ZNF618: variants seen among roughly 807,000 people sequenced by gnomAD.
ZNF618 encodes neural precursor cell expressed, developmentally down-regulated 10.
A neutral mutation model predicts 103.0 loss-of-function variants in ZNF618; 34 were observed. That is an observed-to-expected ratio of 0.33 (90% CI 0.25 to 0.44). The LOEUF is 0.44. Among genes scored for constraint, ZNF618 ranks in the 20% least tolerant of loss-of-function variants. The probability of loss-of-function intolerance (pLI) is 1.00; values close to 1 mark genes in which losing one functional copy is unlikely to be tolerated. For synonymous variants in ZNF618, 551 were observed against 542.2 expected, an observed-to-expected ratio of 1.02 and a Z score of -0.23; for missense variants, 1,059 against 1,295.4, an observed-to-expected ratio of 0.82 and a Z score of 2.80.
At chr9:114,030,484 C>T (rs1182499318) in intron 11 of ZNF618, among the ~76,000 whole-genome samples, 6 of 152,286 alleles carry the variant, frequency 3.9e-5, no homozygotes, top group East Asian at 1.9e-4. Context: ...CTGCAGAGGG[C>T]GGCCCACAGG....
intron 1 of ZNF618, among the ~76,000 whole-genome samples, chr9:113,877,034 A>G (rs1435189937): frequency 6.6e-6 from 1 of 151,862 alleles, no homozygotes; most frequent in African/African-American, 2.4e-5. Context: ...TTATTTTTTC[A>G]AAAGTTTGCA....
At chr9:113,977,086 G>A (rs1838545598) in intron 2 of ZNF618, among the ~76,000 whole-genome samples, 1 of 152,184 alleles carries the variant, frequency 6.6e-6, no homozygotes, top group African/African-American at 2.4e-5. Context: ...TGGGGTGTTG[G>A]GGCAAGAGCT....
chr9:114,020,000 T>C (rs1842943924), intron 10 of ZNF618, among the ~76,000 whole-genome samples: 1 of 152,238 alleles, frequency 6.6e-6, no homozygotes, highest in Non-Finnish European at 1.5e-5. Flanking sequence ...GTCTGTGATA[T>C]ATTTCAACTT....
chr9:114,021,116 T>C (rs1442895154), intron 10 of ZNF618, among the ~76,000 whole-genome samples: 1 of 152,136 alleles, frequency 6.6e-6, no homozygotes, highest in Non-Finnish European at 1.5e-5. Flanking sequence ...TCCTATACTT[T>C]ATTAAAACAC....
intron 2 of ZNF618, among the ~76,000 whole-genome samples, chr9:113,984,581 A>G (rs1023012514): frequency 2.0e-5 from 3 of 152,180 alleles, no homozygotes; most frequent in African/African-American, 7.2e-5. Flanking sequence ...ACTTGAGAGC[A>G]GGAAGGGACA....
rs546328980 is a variant in ZNF618 at position 113,889,032 on chromosome 9, T to A, written c.33+12619T>A. On this transcript the variant is annotated intron_variant, in intron 1 of 14. Transcript: ENST00000374126. The stretch of plus-strand genomic sequence containing the variant: ...GCGCCAGTTCATCTTCCCACCCACA[T>A]ACACTCACCTCACTGTCTGTATTAG... 5.9e-5 allele frequency among the ~76,000 whole-genome samples: 9 copies of A among 152,284 alleles called. No homozygotes were observed. In the South Asian group the frequency reaches 1.9e-3, roughly 32 times the overall value.
In ZNF618 at chr9:113,946,300, A is replaced by G. The variant is rs960395154; in HGVS notation, c.34-22817A>G. The stretch of plus-strand genomic sequence containing the variant: ...ATGGAGAGGGAAACTGAGTTTAAAG[A>G]GGGGCGGTGGCTTGCCTAGCCCAAG... On this transcript the variant is annotated intron_variant, in intron 1 of 14. Transcript: ENST00000374126. Among the ~76,000 whole-genome samples, 5 of 151,364 alleles carry G rather than the reference A, an allele frequency of 3.3e-5. No individual in the cohort carries two copies. In the Admixed American group the frequency reaches 3.3e-4, roughly 10 times the overall value.
chr9:113,976,856 TC>T (rs1387038162), intron 2 of ZNF618, among the ~76,000 whole-genome samples: 71 of 152,306 alleles, frequency 4.7e-4, no homozygotes, highest in African/African-American at 1.7e-3. Flanking sequence ...TGCATTGAGT[TC>T]CTATTAGATA....
intron 1 of ZNF618, among the ~76,000 whole-genome samples, chr9:113,911,738 T>C (rs1214045655): frequency 6.6e-6 from 1 of 152,220 alleles, no homozygotes; most frequent in Non-Finnish European, 1.5e-5. Flanking sequence ...ATTGCAAGCC[T>C]TGAGGGTTTT....
At chr9:113,910,830 T>C (rs926562671) in intron 1 of ZNF618, among the ~76,000 whole-genome samples, 1 of 148,854 alleles carries the variant, frequency 6.7e-6, no homozygotes, top group African/African-American at 2.5e-5. Context: ...CTGCTTTTTC[T>C]TTTTTTCTTT....
At chr9:114,013,222 T>C (rs1842398516) in intron 9 of ZNF618, among the ~76,000 whole-genome samples, 1 of 152,186 alleles carries the variant, frequency 6.6e-6, no homozygotes, top group African/African-American at 2.4e-5. Context: ...TGTGTACCCA[T>C]CTTCACAAAA....
At chr9:114,047,739 T>G (rs532742946) in intron 13 of ZNF618, among the ~76,000 whole-genome samples, 154 bp from the exon 14 acceptor site, 1 of 152,366 alleles carries the variant, frequency 6.6e-6, no homozygotes, top group East Asian at 1.9e-4. Context: ...TTTGCAAGCA[T>G]AGATAGTTGT....
intron 1 of ZNF618, among the ~76,000 whole-genome samples, chr9:113,957,893 C>T (rs994162226): frequency 1.2e-4 from 18 of 151,060 alleles, no homozygotes; most frequent in African/African-American, 4.2e-4. Flanking sequence ...TGAGTCTCAG[C>T]TTGGTGAGGC....
chr9:113,975,543 A>G (rs551469498), intron 2 of ZNF618, among the ~76,000 whole-genome samples: 45 of 152,346 alleles, frequency 3.0e-4, no homozygotes, highest in African/African-American at 1.0e-3. Context: ...CAGAAATCCA[A>G]AATGCTCCAA....
intron 10 of ZNF618, among the ~76,000 whole-genome samples, chr9:114,019,607 T>G (rs1327114798): frequency 1.3e-5 from 2 of 152,248 alleles, no homozygotes; most frequent in Admixed American, 6.5e-5. Flanking sequence ...TTGAACATCT[T>G]TATATTTACT....
chr9:113,983,081 T>G (rs1425202160), intron 2 of ZNF618, among the ~76,000 whole-genome samples: 2 of 152,178 alleles, frequency 1.3e-5, no homozygotes, highest in Non-Finnish European at 2.9e-5. Flanking sequence ...GCGACACAAA[T>G]AGAATAGATT....
intron 3 of ZNF618, among the ~76,000 whole-genome samples, chr9:113,990,996 A>G (rs1034728151): frequency 6.6e-6 from 1 of 152,226 alleles, no homozygotes; most frequent in African/African-American, 2.4e-5. Context: ...GTTAAGACTC[A>G]TTAGACCCAG....
At position 114,048,719 on chromosome 9, in the gene ZNF618, C is replaced by A. The variant is rs762423515; in HGVS notation, c.1417C>A (p.Leu473Met). Residue 473 changes from leucine (L) to methionine (M), a missense_variant, in exon 15 of 15, where the codon CTG becomes ATG. Transcript: ENST00000374126. ...EKERQNIAER[L>M]LRVMCADLGA... ...GGAGCGGCAGAACATCGCAGAGCGG[C>A]TGTTGAGGGTCATGTGTGCCGACCT... The A allele has an allele frequency of 1.2e-6, 2 of 1,614,046 alleles. No homozygotes were observed. Among genetic ancestry groups the A allele is most frequent in the Non-Finnish European group, 8.5e-7 (1 of 1,179,912 alleles).
chr9:113,979,703 C>A (rs773077403), intron 2 of ZNF618, among the ~76,000 whole-genome samples: 3 of 152,216 alleles, frequency 2.0e-5, no homozygotes, highest in Admixed American at 6.5e-5. Context: ...TGGTAAACAG[C>A]CTCTTGCTGA....
Sources: gnomAD v4.1 joint callset for allele counts (sites outside exome capture counted in the v4.1 genomes callset) on GRCh38, gnomAD v4.1.1 for gene constraint, MANE v1.5 for transcripts, NCBI Gene and HGNC (gene_info 2026-07-23, HGNC 2026-07-21) for gene names.